Variants in DPP6 observed in about 807,000 individuals in gnomAD.
DPP6 encodes the protein dipeptidyl peptidase like 6.
A neutral mutation model predicts 122.6 loss-of-function variants in DPP6; 69 were observed. The observed-to-expected ratio is 0.56, with a 90% confidence interval of 0.46 to 0.69. The LOEUF is 0.69. Ranked by LOEUF, DPP6 falls within the 30% of genes least tolerant of loss-of-function variation. The probability of loss-of-function intolerance (pLI) is 0.00; values close to 1 mark genes in which losing one functional copy is unlikely to be tolerated. For missense variants in DPP6, 928 were observed against 1,116.9 expected (o/e 0.83, Z 2.41); for synonymous variants, 418 against 433.1 (o/e 0.97, Z 0.43).
rs891097431 is a variant in DPP6, at chr7:154,481,496, C to T, written c.457+6459C>T. Among the ~76,000 whole-genome samples, 19 of 151,720 alleles carry T rather than the reference C, an allele frequency of 1.3e-4. No individual in the cohort carries two copies. The highest frequency in any genetic ancestry group is 1.5e-4 in the Non-Finnish European group (10 of 67,936). On this transcript the variant is annotated intron_variant, in intron 3 of 25. Transcript: ENST00000377770. The surrounding 1 kb of genome is among the most constrained non-coding windows in gnomAD (Gnocchi z 4.2). Reference sequence around the variant, plus strand: ...TCCCCCAACCTCTTCACAGACCCCCCGCTGCCCACTGTGCGAGCACAGCCC... The same window carrying T: ...TCCCCCAACCTCTTCACAGACCCCCTGCTGCCCACTGTGCGAGCACAGCCC...
intron 1 of DPP6, among the ~76,000 whole-genome samples, chr7:154,065,102 C>T (rs911214768): frequency 2.0e-5 from 3 of 152,078 alleles, no homozygotes; most frequent in African/African-American, 7.2e-5. Flanking sequence ...ATCTGAATTT[C>T]CATAGCATTA....
intron 1 of DPP6, among the ~76,000 whole-genome samples, chr7:154,127,197 CATTTTAAGCAATTAAATTA>C (rs775282632): frequency 6.6e-6 from 1 of 152,170 alleles, no homozygotes; most frequent in Non-Finnish European, 1.5e-5. Context: ...TAAGTTACGT[CATTTTAAGCAATTAAATTA>C]ATATCTCAAA....
chr7:153,918,450 ACACACACACACACACACT>A (rs1369403961), intron 1 of DPP6, among the ~76,000 whole-genome samples: 2 of 136,608 alleles, frequency 1.5e-5, no homozygotes, highest in East Asian at 2.3e-4. Flanking sequence ...ACACACACAC[ACACACACACACACACACT>A]CTCTCTCTCT....
intron 1 of DPP6, among the ~76,000 whole-genome samples, chr7:154,212,204 A>G (rs1200398312): frequency 1.3e-5 from 2 of 152,144 alleles, no homozygotes; most frequent in Non-Finnish European, 2.9e-5. Context: ...GAGTCTTATC[A>G]TATTCCTACA....
At chr7:153,779,166 A>G in the DPP6 span, among the ~76,000 whole-genome samples, 1 of 148,362 alleles carries the variant, frequency 6.7e-6, no homozygotes, top group African/African-American at 2.6e-5. Flanking sequence ...TACATTTTAA[A>G]TATCATTTTC....
At chr7:154,795,629 C>A (rs1219891195) in intron 11 of DPP6, among the ~76,000 whole-genome samples, 1 of 152,060 alleles carries the variant, frequency 6.6e-6, no homozygotes, top group African/African-American at 2.4e-5. Context: ...TTCGAGGACG[C>A]TTGTGTTTGG....
intron 7 of DPP6, among the ~76,000 whole-genome samples, chr7:154,724,189 A>G (rs1378520427): frequency 6.6e-6 from 1 of 152,114 alleles, no homozygotes; most frequent in Non-Finnish European, 1.5e-5. Flanking sequence ...GCCATGTAAT[A>G]TGTATCAAAA....
rs150856365 is a variant in DPP6 at position 154,198,306 on chromosome 7, A to ATGTTT, written c.243+145244_243+145245insGTTTT. On this transcript the variant is annotated intron_variant, in intron 1 of 25. Coordinates refer to ENST00000377770, the MANE Select transcript of DPP6 (RefSeq NM_130797.4). Reference sequence around the variant, plus strand: ...GCCCTCAGTGTAATTTTCACTTCACATATTTTATTATTATTTTTTTTTTGA... The same window carrying ATGTTT: ...GCCCTCAGTGTAATTTTCACTTCACATGTTTTATTTTATTATTATTTTTTTTTTGA... 7.1e-3 allele frequency among the ~76,000 whole-genome samples: 909 copies of ATGTTT among 128,202 alleles called. 5 individuals carry two copies. Among genetic ancestry groups the ATGTTT allele is most frequent in the African/African-American group, 0.024 (859 of 35,456 alleles). The allele number at this position is 128,202 out of a possible 152,430, so 84.1% of individuals were successfully genotyped here.
At chr7:154,717,238 A>G (rs1247983154) in intron 7 of DPP6, among the ~76,000 whole-genome samples, 1 of 152,230 alleles carries the variant, frequency 6.6e-6, no homozygotes, top group Non-Finnish European at 1.5e-5. Context: ...AGAACACACA[A>G]AATCTTCTCT....
At chr7:154,504,098 TTTAA>T (rs1326035862) in intron 3 of DPP6, among the ~76,000 whole-genome samples, 1 of 152,234 alleles carries the variant, frequency 6.6e-6, no homozygotes. Context: ...CACTATTATT[TTTAA>T]TTAGTTTTCT....
At chr7:154,499,133 T>C (rs1251835527) in intron 3 of DPP6, among the ~76,000 whole-genome samples, 1 of 152,100 alleles carries the variant, frequency 6.6e-6, no homozygotes, top group African/African-American at 2.4e-5. Flanking sequence ...ACATATTGAA[T>C]CCCTAGCCAA....
chr7:154,528,816 C>T (rs1827619942), intron 3 of DPP6, among the ~76,000 whole-genome samples: 1 of 152,094 alleles, frequency 6.6e-6, no homozygotes, highest in Admixed American at 6.6e-5. Flanking sequence ...TTATGCAGAT[C>T]CCAGGAAGAT....
chr7:154,850,981 T>C (rs1427644129), intron 16 of DPP6, among the ~76,000 whole-genome samples: 2 of 152,242 alleles, frequency 1.3e-5, no homozygotes, highest in African/African-American at 2.4e-5. Flanking sequence ...TTTCATGTTA[T>C]TTTTGTCTAT....
chr7:154,477,648 T>C (rs747345579), intron 3 of DPP6, among the ~76,000 whole-genome samples: 2 of 152,174 alleles, frequency 1.3e-5, no homozygotes, highest in Non-Finnish European at 2.9e-5. Context: ...GAATGGAGTC[T>C]GCCCAGAGAG....
intron 1 of DPP6, among the ~76,000 whole-genome samples, chr7:153,918,489 C>CT (rs1491231559): frequency 1.6e-5 from 2 of 124,434 alleles, no homozygotes; most frequent in Non-Finnish European, 3.5e-5. Context: ...CTCTCTCTCT[C>CT]TTTTTCTGCC....
At chr7:153,935,372 G>GACA (rs1426573218) in intron 1 of DPP6, among the ~76,000 whole-genome samples, 1 of 152,046 alleles carries the variant, frequency 6.6e-6, no homozygotes, top group African/African-American at 2.4e-5. Context: ...CTGGAAAGTA[G>GACA]ACAACTTCTC....
intron 5 of DPP6, among the ~76,000 whole-genome samples, chr7:154,632,860 G>C (rs1052236585): frequency 2.0e-5 from 3 of 152,146 alleles, no homozygotes; most frequent in Admixed American, 6.5e-5. Flanking sequence ...TTCCTGACTA[G>C]AGGGAAATTT....
At chr7:153,936,128 A>G (rs566645686) in intron 1 of DPP6, among the ~76,000 whole-genome samples, 2 of 152,310 alleles carry the variant, frequency 1.3e-5, no homozygotes, top group East Asian at 3.9e-4. Context: ...AATACTCCCT[A>G]GAAAATAAGT....
chr7:154,562,142 A>C (rs1830463020), intron 4 of DPP6, among the ~76,000 whole-genome samples: 1 of 152,316 alleles, frequency 6.6e-6, no homozygotes, highest in African/African-American at 2.4e-5. Context: ...AAGTTAAAAG[A>C]AAATAAAACC....
Sources: allele counts gnomAD v4.1 joint callset (sites outside exome capture counted in the v4.1 genomes callset), GRCh38; gene constraint gnomAD v4.1.1; non-coding constraint Gnocchi (gnomAD v3.1); transcripts MANE v1.5; gene names NCBI Gene and HGNC (gene_info 2026-07-23, HGNC 2026-07-21).